The following PAPPA variants were observed in gnomAD, a reference collection of about 807,000 sequenced individuals.
The protein encoded by PAPPA is pappalysin-1.
PAPPA carries 60 observed loss-of-function variants against 164.0 expected under a neutral mutation model. The ratio of observed to expected loss-of-function variants is 0.37; its 90% confidence interval spans 0.30 to 0.45. The LOEUF is 0.45. PAPPA is among the 20% of genes least tolerant of loss of function. The probability of loss-of-function intolerance (pLI) is 1.00; values close to 1 mark genes in which losing one functional copy is unlikely to be tolerated. For missense variants in PAPPA, 1,782 were observed against 2,087.3 expected (o/e 0.85, Z 2.85); for synonymous variants, 875 against 814.1 (o/e 1.07, Z -1.27).
intron 10 of PAPPA, among the ~76,000 whole-genome samples, chr9:116,306,465 A>G (rs1587996173): frequency 6.6e-6 from 1 of 152,206 alleles, no homozygotes; most frequent in Non-Finnish European, 1.5e-5. Context: ...AACCCTGAAC[A>G]TTGAGTCTCA....
intron 4 of PAPPA, among the ~76,000 whole-genome samples, chr9:116,218,678 C>T (rs1435927277): frequency 6.6e-6 from 1 of 152,108 alleles, no homozygotes; most frequent in Non-Finnish European, 1.5e-5. Flanking sequence ...AGACTCAACT[C>T]CCATTTATCA....
chr9:116,313,082 CAA>C (rs59596284), intron 10 of PAPPA, among the ~76,000 whole-genome samples: 11 of 68,450 alleles, frequency 1.6e-4, no homozygotes, highest in Non-Finnish European at 2.3e-4. Context: ...GACTCCATCT[CAA>C]AAAAAAAAAA....
Position 116,402,238 on chromosome 9 carries a change from C to T in PAPPA, c.*5622C>T, listed in dbSNP as rs574443413. 1 of 152,656 alleles carries T rather than the reference C, an allele frequency of 6.6e-6. No homozygotes were observed. The highest frequency in any genetic ancestry group is 1.9e-4 in the East Asian group (1 of 5,178). 9.5% of individuals were successfully genotyped at this position (152,656 alleles called of 1,614,324 possible). A position where few individuals can be genotyped will look rare whatever the true frequency, so the allele number is the denominator to read the frequency against. On this transcript the variant is annotated 3_prime_UTR_variant, in exon 22 of 22. Coordinates refer to ENST00000328252, the MANE Select transcript of PAPPA (RefSeq NM_002581.5). Reference sequence around the variant, plus strand: ...GGTTGGATCTCACAAATAATAATGTCAGAGACAGAAATATTTTGCCACTGT... The same window carrying T: ...GGTTGGATCTCACAAATAATAATGTTAGAGACAGAAATATTTTGCCACTGT...
In PAPPA at chr9:116,357,465, T is replaced by C. The variant is rs528873167; in HGVS notation, c.4347+3672T>C. 3.3e-5 allele frequency among the ~76,000 whole-genome samples: 5 copies of C among 152,292 alleles called. No individual in the cohort carries two copies. In the East Asian group the frequency reaches 7.7e-4, roughly 24 times the overall value. The stretch of plus-strand genomic sequence containing the variant: ...TGCTCTCTTTTGACAGCTCACAACA[T>C]ACAGCTGGAAAAGAAACAAAATCCC... On this transcript the variant is annotated intron_variant, in intron 17 of 21. Transcript: ENST00000328252.
intron 13 of PAPPA, among the ~76,000 whole-genome samples, chr9:116,335,468 C>T (rs1386387610): frequency 1.3e-5 from 2 of 152,034 alleles, no homozygotes; most frequent in Non-Finnish European, 2.9e-5. Context: ...GGAGGCATAA[C>T]CTTCCTAACC....
intron 21 of PAPPA, among the ~76,000 whole-genome samples, chr9:116,391,213 C>G (rs1216143840): frequency 2.0e-5 from 3 of 152,204 alleles, no homozygotes; most frequent in African/African-American, 4.8e-5. Context: ...ATTAACTGTT[C>G]CACGTTTTAT....
At chr9:116,180,602 A>G (rs11787628) in intron 1 of PAPPA, among the ~76,000 whole-genome samples, 41,168 of 151,984 alleles carry the variant, frequency 0.27, 6,627 homozygotes, top group Non-Finnish European at 0.36. Flanking sequence ...TTCTCCTTCT[A>G]TATCTACTCT....
At chr9:116,219,795 T>C (rs896949558) in intron 4 of PAPPA, 142 bp from the exon 5 acceptor site, 36 of 633,082 alleles carry the variant, frequency 5.7e-5, no homozygotes, top group South Asian at 1.6e-4. Flanking sequence ...CATTAACTCT[T>C]GAGAGCTGGA....
At chr9:116,232,681 G>T (rs1010251185) in intron 6 of PAPPA, among the ~76,000 whole-genome samples, 2 of 152,214 alleles carry the variant, frequency 1.3e-5, no homozygotes, top group African/African-American at 4.8e-5. Context: ...TGGTCAACTC[G>T]TGAAGGCTGG....
intron 1 of PAPPA, among the ~76,000 whole-genome samples, chr9:116,165,706 G>A (rs1473507019): frequency 6.6e-6 from 1 of 152,046 alleles, no homozygotes; most frequent in East Asian, 1.9e-4. Flanking sequence ...AAATGCACCT[G>A]GTTCTTTAAT....
intron 21 of PAPPA, 90 bp from the exon 22 acceptor site, chr9:116,396,419 A>G: frequency 1.3e-6 from 1 of 750,914 alleles, no homozygotes; most frequent in Non-Finnish European, 2.5e-6. Flanking sequence ...TCTGCTCCTC[A>G]AATCCAGTGA....
chr9:116,281,472 G>A (rs1587985102), intron 9 of PAPPA, among the ~76,000 whole-genome samples: 1 of 152,040 alleles, frequency 6.6e-6, no homozygotes, highest in African/African-American at 2.4e-5. Context: ...CATCCAGCTC[G>A]AGCCAATCAT....
chr9:116,160,700 C>A (rs1843655976), intron 1 of PAPPA, among the ~76,000 whole-genome samples: 1 of 152,202 alleles, frequency 6.6e-6, no homozygotes, highest in African/African-American at 2.4e-5. Context: ...CCAGCTGCCC[C>A]TTCTCTAGAA....
At chr9:116,219,021 T>A (rs897581650) in intron 4 of PAPPA, among the ~76,000 whole-genome samples, 1 of 152,196 alleles carries the variant, frequency 6.6e-6, no homozygotes, top group African/African-American at 2.4e-5. Flanking sequence ...TGTTCCCAGG[T>A]CTGCCTGACT....
intron 5 of PAPPA, among the ~76,000 whole-genome samples, chr9:116,220,694 C>A (rs971093154): frequency 6.6e-6 from 1 of 151,570 alleles, no homozygotes; most frequent in Non-Finnish European, 1.5e-5. Flanking sequence ...CGAGACCAGC[C>A]TGACCAACAC....
At chr9:116,263,736 AC>A (rs1268139024) in intron 7 of PAPPA, among the ~76,000 whole-genome samples, 11 of 152,182 alleles carry the variant, frequency 7.2e-5, no homozygotes, top group Admixed American at 3.3e-4. Context: ...CAGGACAGAA[AC>A]ACATGTTTTC....
chr9:116,346,366 A>G (rs1309269143), intron 14 of PAPPA, among the ~76,000 whole-genome samples: 1 of 151,962 alleles, frequency 6.6e-6, no homozygotes, highest in Non-Finnish European at 1.5e-5. Context: ...TCTCTTGACT[A>G]TTGAGCCGCC....
At chr9:116,202,654 CCAA>C (rs1047256068) in intron 2 of PAPPA, among the ~76,000 whole-genome samples, 75 of 152,198 alleles carry the variant, frequency 4.9e-4, no homozygotes, top group African/African-American at 1.8e-3. Context: ...TTCAATCTAG[CCAA>C]CATTTTCCAA....
chr9:116,222,513 T>G (rs1564189594), intron 5 of PAPPA, among the ~76,000 whole-genome samples: 1 of 152,136 alleles, frequency 6.6e-6, no homozygotes, highest in Non-Finnish European at 1.5e-5. Flanking sequence ...CTATTCAGCC[T>G]TAAAAGCGGG....
Sources: gnomAD v4.1 joint callset for allele counts (sites outside exome capture counted in the v4.1 genomes callset) on GRCh38, gnomAD v4.1.1 for gene constraint, MANE v1.5 for transcripts, NCBI Gene and HGNC (gene_info 2026-07-23, HGNC 2026-07-21) for gene names.